Variants in CYB5B observed in about 807,000 individuals in gnomAD.
CYB5B encodes cytochrome b5 type B (outer mitochondrial membrane).
Under a neutral mutation model 21.3 loss-of-function variants are expected in CYB5B, and 14 were observed. That is an observed-to-expected ratio of 0.66 (90% CI 0.43 to 1.03). The LOEUF (loss-of-function observed/expected upper bound fraction) is 1.03, where lower values mean the gene tolerates loss of function less well. Among genes scored for constraint, CYB5B ranks in the 50% least tolerant of loss-of-function variants. CYB5B has a pLI of 0.00. For synonymous variants in CYB5B, 69 were observed against 68.4 expected (o/e 1.01, Z -0.04); for missense variants, 166 against 185.1 (o/e 0.90, Z 0.60).
chr16:69,448,956 C>T (rs928856838), intron 3 of CYB5B: 2 of 152,126 alleles, frequency 1.3e-5, no homozygotes, highest in African/African-American at 4.8e-5. Context: ...ATAGGTTTGA[C>T]ACAGCAATTA....
chr16:69,458,702 A>G (rs1374998241), intron 3 of CYB5B, among the ~76,000 whole-genome samples: 1 of 152,154 alleles, frequency 6.6e-6, no homozygotes, highest in Non-Finnish European at 1.5e-5. Flanking sequence ...TTTGGACTTT[A>G]AAAAATGTTT....
At chr16:69,457,554 C>T (rs2014994892) in intron 3 of CYB5B, among the ~76,000 whole-genome samples, 1 of 152,128 alleles carries the variant, frequency 6.6e-6, no homozygotes, top group Admixed American at 6.5e-5. Flanking sequence ...TATAAATTAA[C>T]TTGATGCACA....
intron 1 of CYB5B, among the ~76,000 whole-genome samples, chr16:69,433,733 T>G (rs1488449312): frequency 6.6e-6 from 1 of 152,224 alleles, no homozygotes; most frequent in Non-Finnish European, 1.5e-5. Context: ...AAATGTCTCA[T>G]CTGTATAATC....
At position 69,424,790 on chromosome 16, in the gene CYB5B, A is replaced by G. The variant is rs775881600; in HGVS notation, c.107A>G (p.Asn36Ser). 3.7e-6 allele frequency: 6 copies of G among 1,608,296 alleles called. No individual in the cohort carries two copies. In the African/African-American group the frequency reaches 4.0e-5, roughly 11 times the overall value. The stretch of plus-strand genomic sequence containing the variant: ...CGGTTGGAGGAGGTGGCAAAGCGCA[A>G]CTCCTTGAAGGAACTGTGGCTTGTG... ...YYRLEEVAKR[N>S]SLKELWLVIH... is the part of the protein sequence containing the mutation. The change falls in exon 1 of 5, where the codon AAC (asparagine) becomes AGC (serine). Residue 36 changes from asparagine (N) to serine (S), a missense_variant. Coordinates refer to ENST00000307892, the MANE Select transcript of CYB5B (RefSeq NM_030579.3).
chr16:69,455,157 G>T (rs2014971222), intron 3 of CYB5B, among the ~76,000 whole-genome samples: 1 of 152,096 alleles, frequency 6.6e-6, no homozygotes, highest in Admixed American at 6.5e-5. Context: ...GCCTCCCCAA[G>T]TGCTGGGATT....
At chr16:69,432,997 C>G (rs1014490516) in intron 1 of CYB5B, among the ~76,000 whole-genome samples, 1 of 152,076 alleles carries the variant, frequency 6.6e-6, no homozygotes, top group South Asian at 2.1e-4. Flanking sequence ...GGGGTTTTGC[C>G]GTGTTGGCCG....
chr16:69,459,300 T>A, intron 4 of CYB5B, 179 bp downstream of exon 4: 1 of 776,842 alleles, frequency 1.3e-6, no homozygotes, highest in Non-Finnish European at 2.0e-6. Context: ...TTTTACAGTT[T>A]CAGCCATTTT....
intron 4 of CYB5B, 124 bp from the exon 5 acceptor site, chr16:69,462,306 G>C (rs892539541): frequency 2.9e-6 from 2 of 695,324 alleles, no homozygotes; most frequent in African/African-American, 1.8e-5. Flanking sequence ...TGTGATAAAA[G>C]CAGTTAAATT....
chr16:69,429,353 A>G (rs1237839379), intron 1 of CYB5B, among the ~76,000 whole-genome samples: 7 of 152,154 alleles, frequency 4.6e-5, no homozygotes, highest in Non-Finnish European at 1.0e-4. Context: ...GTCCCCGCCC[A>G]CATCCTGCTG....
At chr16:69,458,072 C>A (rs2014999122) in intron 3 of CYB5B, among the ~76,000 whole-genome samples, 1 of 152,138 alleles carries the variant, frequency 6.6e-6, no homozygotes, top group Non-Finnish European at 1.5e-5. Flanking sequence ...TTGTACTATA[C>A]AGCTGGTTAA....
At chr16:69,431,808 C>A (rs2014709163) in intron 1 of CYB5B, among the ~76,000 whole-genome samples, 1 of 152,100 alleles carries the variant, frequency 6.6e-6, no homozygotes, top group African/African-American at 2.4e-5. Flanking sequence ...ATACTGCCTT[C>A]TTGAAGCTAC....
intron 4 of CYB5B, chr16:69,459,708 C>G (rs2015015526): frequency 6.6e-6 from 1 of 152,164 alleles, no homozygotes; most frequent in Non-Finnish European, 1.5e-5. Context: ...TGTACAGTAT[C>G]TTTGTGGAGA....
chr16:69,440,896 C>T (rs1235761252), intron 1 of CYB5B, among the ~76,000 whole-genome samples: 1 of 151,628 alleles, frequency 6.6e-6, no homozygotes, highest in African/African-American at 2.4e-5. Context: ...CAGGCTCAAG[C>T]GATCCTTCCA....
chr16:69,437,313 A>T (rs547111947), intron 1 of CYB5B, among the ~76,000 whole-genome samples: 3 of 152,214 alleles, frequency 2.0e-5, no homozygotes, highest in Non-Finnish European at 4.4e-5. Context: ...TACAAAGGCT[A>T]TTCAGGTTGG....
intron 3 of CYB5B, among the ~76,000 whole-genome samples, chr16:69,457,060 C>T (rs1168721580): frequency 6.6e-6 from 1 of 151,832 alleles, no homozygotes; most frequent in African/African-American, 2.4e-5. Context: ...TTTTGCGTCC[C>T]CAGGGATGGA....
At chr16:69,443,754 C>G (rs543923851) in intron 1 of CYB5B, 2 of 152,856 alleles carry the variant, frequency 1.3e-5, no homozygotes, top group South Asian at 4.1e-4. Flanking sequence ...ACCTGGGAGG[C>G]TGAGGCAGGA....
intron 3 of CYB5B, among the ~76,000 whole-genome samples, chr16:69,457,365 C>T (rs1288484069): frequency 6.6e-6 from 1 of 152,082 alleles, no homozygotes; most frequent in Non-Finnish European, 1.5e-5. Flanking sequence ...ATATATTATG[C>T]TGTGATGCTC....
rs1467477318 is a variant in CYB5B, at chr16:69,465,664, G to T, written c.*3144G>T. 6.6e-6 allele frequency: 1 copy of T among 152,094 alleles called. No individual in the cohort carries two copies. The highest frequency in any genetic ancestry group is 2.4e-5 in the African/African-American group (1 of 41,408). 9.4% of individuals were successfully genotyped at this position (152,094 alleles called of 1,614,324 possible). A position where few individuals can be genotyped will look rare whatever the true frequency, so the allele number is the denominator to read the frequency against. ...ACAGGCCTGGAGTATCATTACTTAT[G>T]GTATCTCCTGCTTTAAAATCTCAAG... On this transcript the variant is annotated 3_prime_UTR_variant, in exon 5 of 5. Coordinates refer to ENST00000307892, the MANE Select transcript of CYB5B (RefSeq NM_030579.3).
At chr16:69,443,855 A>AAAAC (rs367766354) in intron 1 of CYB5B, 263 of 155,420 alleles carry the variant, frequency 1.7e-3, no homozygotes, top group African/African-American at 5.8e-3. Context: ...ACTCCGTCTC[A>AAAAC]AAACAAACAA....
Sources: allele counts gnomAD v4.1 joint callset (sites outside exome capture counted in the v4.1 genomes callset), GRCh38; gene constraint gnomAD v4.1.1; transcripts MANE v1.5; gene names NCBI Gene and HGNC (gene_info 2026-07-23, HGNC 2026-07-21).